CACNA1H: variants seen among roughly 807,000 people sequenced by gnomAD.
CACNA1H encodes the protein calcium voltage-gated channel subunit alpha1 H.
A neutral mutation model predicts 192.5 loss-of-function variants in CACNA1H; 149 were observed. The ratio of observed to expected loss-of-function variants is 0.77; its 90% confidence interval spans 0.68 to 0.89. The LOEUF (loss-of-function observed/expected upper bound fraction) is 0.89, where lower values mean the gene tolerates loss of function less well. Among genes scored for constraint, CACNA1H ranks in the 40% least tolerant of loss-of-function variants. The probability of loss-of-function intolerance (pLI) is 0.00; values close to 1 mark genes in which losing one functional copy is unlikely to be tolerated. For missense variants in CACNA1H, 4,257 were observed against 3,423.5 expected (o/e 1.24, Z -6.08); for synonymous variants, 2,202 against 1,475.2 (o/e 1.49, Z -11.29).
At chr16:1,207,631 G>T (rs1249733398) in intron 14 of CACNA1H, 139 bp from the exon 15 acceptor site, 2 of 922,852 alleles carry the variant, frequency 2.2e-6, no homozygotes, top group Non-Finnish European at 1.7e-6. Context: ...TCACCTACCT[G>T]CCCACCCTGG....
chr16:1,173,213 T>C (rs1335812941), intron 2 of CACNA1H, among the ~76,000 whole-genome samples: 2 of 151,594 alleles, frequency 1.3e-5, no homozygotes, highest in African/African-American at 4.9e-5. Context: ...GGGCAGTAGA[T>C]GGGGTGCTGG....
chr16:1,200,664 G>GGGA (rs1203589656), intron 7 of CACNA1H, 52 bp from the exon 8 acceptor site: 3 of 1,576,162 alleles, frequency 1.9e-6, no homozygotes, highest in Non-Finnish European at 2.6e-6. Context: ...CAGGGGCACG[G>GGGA]GGAGGAGGAG....
In CACNA1H at chr16:1,180,888, TGCTGGGCCGC is replaced by T. The variant is rs1206928850; in HGVS notation, c.300-14082_300-14073del. Among the ~76,000 whole-genome samples the T allele has an allele frequency of 3.5e-4, 53 of 152,296 alleles. No individual in the cohort carries two copies. Among genetic ancestry groups the T allele is most frequent in the African/African-American group, 1.0e-3 (43 of 41,570 alleles). The stretch of plus-strand genomic sequence containing the variant: ...GCCGCCAGCGTGCTGAGGACAGACC[TGCTGGGCCGC>T]GTTGGCAGGGGCTCACCCCGTCTTC... On this transcript the variant is annotated intron_variant, in intron 2 of 34. Transcript: ENST00000348261. The surrounding 1 kb of genome is among the most constrained non-coding windows in gnomAD (Gnocchi z 4.4).
intron 5 of CACNA1H, among the ~76,000 whole-genome samples, chr16:1,197,828 T>C (rs557867616): frequency 6.6e-6 from 1 of 152,162 alleles, no homozygotes; most frequent in Admixed American, 6.5e-5. Flanking sequence ...GCCTGGCCCT[T>C]GATTAAATTT....
In CACNA1H at chr16:1,215,356, C is replaced by T. The variant is rs749261002; in HGVS notation, c.5154C>T (p.Arg1718=). 1.5e-5 allele frequency: 24 copies of T among 1,589,252 alleles called. No homozygotes were observed. The highest frequency in any genetic ancestry group is 4.1e-5 in the African/African-American group (3 of 73,956). The change falls in exon 29 of 35, where the codon CGC becomes CGT. Residue 1718 remains arginine, a synonymous_variant. Transcript: ENST00000348261. The part of the protein sequence containing the change: ...PINPTIIRIM[R]VLRIARVLKL... ...ACCCCACCATCATCCGCATCATGCG[C>T]GTGCTTCGCATTGCCCGTGGTAGGT...
rs1596355397 is a variant in CACNA1H, at chr16:1,186,125, G to A, written c.300-8847G>A. On this transcript the variant is annotated intron_variant, in intron 2 of 34. Coordinates refer to ENST00000348261, the MANE Select transcript of CACNA1H (RefSeq NM_021098.3). Reference sequence around the variant, plus strand: ...GACGGCGTGCGTAGGGGCCGGAGGCGGGGTGTGTACGGGGCGGGTGACTAG... The same window carrying A: ...GACGGCGTGCGTAGGGGCCGGAGGCAGGGTGTGTACGGGGCGGGTGACTAG... Among the ~76,000 whole-genome samples the A allele has an allele frequency of 1.4e-5, 2 of 144,770 alleles. 1 individual carries two copies. Among genetic ancestry groups the A allele is most frequent in the Non-Finnish European group, 3.1e-5 (2 of 65,540 alleles). The allele number at this position is 144,770 out of a possible 152,430, so 95.0% of individuals were successfully genotyped here. A position where few individuals can be genotyped will look rare whatever the true frequency, so the allele number is the denominator to read the frequency against.
intron 2 of CACNA1H, among the ~76,000 whole-genome samples, chr16:1,178,181 C>T (rs1244627710): frequency 7.4e-6 from 1 of 135,684 alleles, no homozygotes. Flanking sequence ...CTCCCGCCCC[C>T]TCTCCATGGG....
chr16:1,161,466 C>T (rs1448846190), intron 2 of CACNA1H, among the ~76,000 whole-genome samples: 1 of 152,122 alleles, frequency 6.6e-6, no homozygotes, highest in East Asian at 1.9e-4. Flanking sequence ...ACCTTGAGGC[C>T]TTTTTTTGGG....
rs753241781 is a variant in CACNA1H, at chr16:1,219,113, C to A, written c.6031C>A (p.Arg2011=). The change falls in exon 34 of 35, where the codon CGG becomes AGG. Residue 2011 remains arginine (R), a synonymous_variant. Coordinates refer to ENST00000348261, the MANE Select transcript of CACNA1H (RefSeq NM_021098.3). ...RGTARSPSLS[R]LLCRQEAVHT... is the part of the protein sequence containing the mutation. ...CACAGCCCGCTCCCCCAGTCTCAGC[C>A]GGCTGCTCTGCAGACAGGTAGGAGA... 15 of 1,543,186 alleles carry A rather than the reference C, an allele frequency of 9.7e-6. No homozygotes were observed. The East Asian group carries it at 3.4e-4, about 35-fold the overall frequency.
At position 1,200,819 on chromosome 16, in the gene CACNA1H, G is replaced by C. The variant is rs756756710; in HGVS notation, c.1212+11G>C. ...ATCCTGCTCATCATCGTGAGTGTGG[G>C]CGGCAGTGTTCGCCATGATGGGCCC... On this transcript the variant is annotated intron_variant, in intron 8 of 34. Transcript: ENST00000348261. The C allele has an allele frequency of 2.5e-5, 38 of 1,549,578 alleles. No individual in the cohort carries two copies. The South Asian group carries it at 4.0e-4, about 16-fold the overall frequency.
chr16:1,160,497 C>T (rs1963051976), intron 2 of CACNA1H, among the ~76,000 whole-genome samples: 1 of 152,192 alleles, frequency 6.6e-6, no homozygotes, highest in Non-Finnish European at 1.5e-5. Context: ...CTCAGGAGAG[C>T]TGGCAGCAGG....
chr16:1,162,188 G>A (rs766449335), intron 2 of CACNA1H, among the ~76,000 whole-genome samples: 20 of 152,178 alleles, frequency 1.3e-4, no homozygotes, highest in Admixed American at 1.0e-3. Flanking sequence ...ATGACCCCTC[G>A]CCCTGGGCCT....
rs1415166471 is a variant in CACNA1H, at chr16:1,200,716, G to A, written c.1120G>A (p.Val374Met). The change falls in exon 8 of 35, where the codon GTG (valine) becomes ATG (methionine). Residue 374 changes from valine (V) to methionine (M), a missense_variant and splice_region_variant. Val to Met is a conservative substitution (Grantham distance 21). Coordinates refer to ENST00000348261, the MANE Select transcript of CACNA1H (RefSeq NM_021098.3). ...IGYAWIAIFQ[V>M]ITLEGWVDIM... is the part of the protein sequence containing the mutation. The stretch of plus-strand genomic sequence containing the variant: ...CCAAGTCAAGCCACTGCCCCCCCAG[G>A]TGATCACGCTGGAAGGCTGGGTGGA... 7 of 1,564,764 alleles carry A rather than the reference G, an allele frequency of 4.5e-6. No homozygotes were observed. The highest frequency in any genetic ancestry group is 6.1e-6 in the Non-Finnish European group (7 of 1,154,932).
intron 16 of CACNA1H, 120 bp downstream of exon 16, chr16:1,208,341 T>C (rs1189020799): frequency 2.8e-6 from 2 of 721,590 alleles, no homozygotes; most frequent in East Asian, 5.4e-5. Flanking sequence ...AGTCCCAGCC[T>C]GTGCAGAGAC....
At chr16:1,191,654 A>G (rs1382675785) in intron 2 of CACNA1H, among the ~76,000 whole-genome samples, 6 of 60,012 alleles carry the variant, frequency 1.0e-4, no homozygotes, top group African/African-American at 2.8e-4. Flanking sequence ...AGGCACACTC[A>G]GGGTTTTGGT....
chr16:1,186,612 C>T (rs971918082), intron 2 of CACNA1H, among the ~76,000 whole-genome samples: 3 of 152,148 alleles, frequency 2.0e-5, no homozygotes, highest in Admixed American at 1.3e-4. Context: ...TGCACTGTGG[C>T]TTCTGTCGTG....
intron 2 of CACNA1H, among the ~76,000 whole-genome samples, chr16:1,191,942 A>G (rs1966661064): frequency 1.3e-5 from 2 of 152,258 alleles, no homozygotes; most frequent in African/African-American, 4.8e-5. Flanking sequence ...TCACCTGTGC[A>G]GCACCGCAGG....
chr16:1,184,336 C>T (rs370521158), intron 2 of CACNA1H, among the ~76,000 whole-genome samples: 6 of 152,368 alleles, frequency 3.9e-5, no homozygotes, highest in East Asian at 1.9e-4. Flanking sequence ...CTGTGGAGGC[C>T]GGCAAGCGTG....
Position 1,212,385 on chromosome 16 carries a change from C to A in CACNA1H, c.4760-126C>A. The stretch of plus-strand genomic sequence containing the variant: ...CAGCGCCCAAGAGGCAGGTTCCCCA[C>A]CGAGTCCTCACTCCACGAGGAGCCA... On this transcript the variant is annotated intron_variant, in intron 25 of 34. Transcript: ENST00000348261. The A allele has an allele frequency of 3.7e-6, 4 of 1,092,416 alleles. No homozygotes were observed. In the South Asian group the frequency reaches 5.9e-5, roughly 16 times the overall value. The allele number at this position is 1,092,416 out of a possible 1,614,324, so 67.7% of individuals were successfully genotyped here. A position where few individuals can be genotyped will look rare whatever the true frequency, so the allele number is the denominator to read the frequency against.
Sources: allele counts gnomAD v4.1 joint callset (sites outside exome capture counted in the v4.1 genomes callset), GRCh38; gene constraint gnomAD v4.1.1; non-coding constraint Gnocchi (gnomAD v3.1); transcripts MANE v1.5; gene names NCBI Gene and HGNC (gene_info 2026-07-23, HGNC 2026-07-21).